The following NRXN1 variants were observed in gnomAD, a reference collection of about 807,000 sequenced individuals.
The protein encoded by NRXN1 is neurexin-1.
Under a neutral mutation model 150.9 loss-of-function variants are expected in NRXN1, and 39 were observed. The ratio of observed to expected loss-of-function variants is 0.26; its 90% confidence interval spans 0.20 to 0.34. NRXN1 has a LOEUF of 0.34. NRXN1 is among the 10% of genes least tolerant of loss of function. The pLI, the probability that NRXN1 is intolerant of heterozygous loss-of-function variation, is 1.00. For missense variants in NRXN1, 1,815 were observed against 1,949.9 expected, an observed-to-expected ratio of 0.93 and a Z score of 1.30; for synonymous variants, 924 against 757.0, an observed-to-expected ratio of 1.22 and a Z score of -3.62.
At chr2:50,612,384 T>A (rs1372323489) in intron 8 of NRXN1, among the ~76,000 whole-genome samples, 1 of 152,182 alleles carries the variant, frequency 6.6e-6, no homozygotes, top group Non-Finnish European at 1.5e-5. Context: ...TTGTTTTTTT[T>A]CTTCTTCTTC....
chr2:50,824,590 G>C (rs952177167), intron 5 of NRXN1, among the ~76,000 whole-genome samples: 3 of 152,150 alleles, frequency 2.0e-5, no homozygotes, highest in East Asian at 1.9e-4. Context: ...GGGATATTGA[G>C]GTTTGGCCTA....
chr2:50,477,822 T>C (rs1170926647), intron 15 of NRXN1, among the ~76,000 whole-genome samples: 1 of 152,162 alleles, frequency 6.6e-6, no homozygotes, highest in Non-Finnish European at 1.5e-5. Context: ...TTAGCTTACT[T>C]TCCTATAGCT....
chr2:50,694,384 G>A (rs936649736), intron 5 of NRXN1, among the ~76,000 whole-genome samples: 1 of 152,052 alleles, frequency 6.6e-6, no homozygotes, highest in Non-Finnish European at 1.5e-5. Context: ...ATATATAATA[G>A]TTGGAATTAA....
intron 17 of NRXN1, among the ~76,000 whole-genome samples, chr2:50,259,484 C>T (rs2068037757): frequency 6.6e-6 from 1 of 151,842 alleles, no homozygotes. Flanking sequence ...TCCTACTTAG[C>T]ATACTGAAGT....
intron 5 of NRXN1, among the ~76,000 whole-genome samples, chr2:50,900,944 G>A (rs143808454): frequency 2.0e-5 from 3 of 152,230 alleles, no homozygotes; most frequent in Non-Finnish European, 4.4e-5. Context: ...TCTCTCAAAT[G>A]TCATGCTGCC....
Position 51,027,484 on chromosome 2 carries a change from T to G in NRXN1, c.772+18A>C. On this transcript the variant is annotated intron_variant, in intron 2 of 22. Transcript: ENST00000401669. ...CCGCCCAGGCCCCGGCCCCCGTGGG[T>G]CGGGCGTCGGGCCTTACCTTGGCTG... 1 of 1,492,580 alleles carries G rather than the reference T, an allele frequency of 6.7e-7. No individual in the cohort carries two copies. 92.5% of individuals were successfully genotyped at this position (1,492,580 alleles called of 1,614,324 possible). A position where few individuals can be genotyped will look rare whatever the true frequency, so the allele number is the denominator to read the frequency against.
intron 17 of NRXN1, among the ~76,000 whole-genome samples, chr2:50,261,327 A>T (rs978921543): frequency 1.3e-5 from 2 of 151,852 alleles, no homozygotes; most frequent in African/African-American, 4.8e-5. Flanking sequence ...TAACAAGTGT[A>T]TATAACAAGG....
intron 18 of NRXN1, among the ~76,000 whole-genome samples, chr2:50,102,444 A>C (rs1701099969): frequency 6.6e-6 from 1 of 152,082 alleles, no homozygotes; most frequent in South Asian, 2.1e-4. Context: ...CATGAAGTTC[A>C]GTATTCACCA....
chr2:50,132,506 C>T (rs553376363), intron 18 of NRXN1, among the ~76,000 whole-genome samples: 12 of 152,050 alleles, frequency 7.9e-5, no homozygotes, highest in African/African-American at 2.2e-4. Flanking sequence ...AGGGTTTCAT[C>T]GTGTTAGCCA....
chr2:50,296,518 C>CTATTAGTATTATTATTATTAT (rs60974449), intron 17 of NRXN1, among the ~76,000 whole-genome samples: 2,209 of 148,026 alleles, frequency 0.015, 34 homozygotes, highest in South Asian at 0.024. Flanking sequence ...TGCTTAGCTT[C>CTATTAGTATTATTATTATTAT]TATTATTATT....
chr2:50,586,118 AG>A (rs2103725818), intron 8 of NRXN1, among the ~76,000 whole-genome samples: 1 of 152,322 alleles, frequency 6.6e-6, no homozygotes, highest in African/African-American at 2.4e-5. Context: ...CATCTACATT[AG>A]CCTTTTTCAG....
At chr2:50,581,105 T>C (rs1415699950) in intron 8 of NRXN1, among the ~76,000 whole-genome samples, 2 of 152,176 alleles carry the variant, frequency 1.3e-5, no homozygotes, top group East Asian at 3.9e-4. Context: ...ATTTGACACC[T>C]ATAAAACAGA....
chr2:50,017,660 CTTTTTTT>C (rs143759409), intron 21 of NRXN1, among the ~76,000 whole-genome samples: 2 of 138,484 alleles, frequency 1.4e-5, no homozygotes, highest in African/African-American at 5.2e-5. Context: ...AAAACACAGC[CTTTTTTT>C]TTTTTTTTTT....
chr2:50,659,272 C>T (rs184715199), intron 5 of NRXN1, among the ~76,000 whole-genome samples: 2 of 152,114 alleles, frequency 1.3e-5, no homozygotes, highest in African/African-American at 2.4e-5. Context: ...TTTTGCTGGA[C>T]ATTTATTACA....
At chr2:50,028,817 A>G (rs1035363257) in intron 21 of NRXN1, among the ~76,000 whole-genome samples, 1 of 152,200 alleles carries the variant, frequency 6.6e-6, no homozygotes, top group Non-Finnish European at 1.5e-5. Flanking sequence ...TTCTTTTCTG[A>G]CAGTGGTTGT....
chr2:50,904,244 C>A (rs973087847), intron 5 of NRXN1, among the ~76,000 whole-genome samples: 1 of 152,010 alleles, frequency 6.6e-6, no homozygotes, highest in Non-Finnish European at 1.5e-5. Flanking sequence ...GGCCAGAATA[C>A]TAGAAATTAA....
intron 2 of NRXN1, among the ~76,000 whole-genome samples, chr2:50,933,693 T>C (rs1451730759): frequency 6.6e-6 from 1 of 152,144 alleles, no homozygotes; most frequent in Non-Finnish European, 1.5e-5. Flanking sequence ...CCATTTTATA[T>C]CTGTTGATTT....
chr2:50,945,887 T>G (rs1412168519), intron 2 of NRXN1, among the ~76,000 whole-genome samples: 1 of 143,372 alleles, frequency 7.0e-6, no homozygotes, highest in African/African-American at 2.6e-5. Context: ...GATATATATA[T>G]ATATATATAT....
intron 8 of NRXN1, among the ~76,000 whole-genome samples, chr2:50,576,351 C>G (rs771634020): frequency 5.9e-5 from 9 of 151,828 alleles, no homozygotes; most frequent in Non-Finnish European, 1.2e-4. Flanking sequence ...TTTTTTTTGG[C>G]ATTTTTGACA....
Sources: allele counts gnomAD v4.1 joint callset (sites outside exome capture counted in the v4.1 genomes callset), GRCh38; gene constraint gnomAD v4.1.1; transcripts MANE v1.5; gene names NCBI Gene and HGNC (gene_info 2026-07-23, HGNC 2026-07-21).